Variants in GTF3C2 observed in about 807,000 individuals in gnomAD.
The protein encoded by GTF3C2 is general transcription factor IIIC subunit 2.
GTF3C2 carries 17 observed loss-of-function variants against 117.4 expected under a neutral mutation model. The observed-to-expected ratio is 0.14, with a 90% confidence interval of 0.10 to 0.22. The LOEUF (loss-of-function observed/expected upper bound fraction) is 0.22. Among genes scored for constraint, GTF3C2 ranks in the 10% least tolerant of loss-of-function variants. The probability of loss-of-function intolerance (pLI) is 1.00; values close to 1 mark genes in which losing one functional copy is unlikely to be tolerated. For synonymous variants in GTF3C2, 437 were observed against 427.0 expected (o/e 1.02, Z -0.29); for missense variants, 888 against 1,143.6 (o/e 0.78, Z 3.22).
chr2:27,335,632 G>A, exon 10 of GTF3C2: 1 of 1,556,994 alleles, frequency 6.4e-7, no homozygotes, highest in Non-Finnish European at 8.7e-7. Context: ...CCTCCGGATG[G>A]GGTAGACTGA....
rs544832548 is a variant in GTF3C2 at position 27,329,561 on chromosome 2, G to C, written c.1733-38C>G. 6.2e-7 allele frequency: 1 copy of C among 1,607,338 alleles called. No homozygotes were observed. Among genetic ancestry groups the C allele is most frequent in the East Asian group, 2.2e-5 (1 of 44,826 alleles). On this transcript the variant is annotated intron_variant, in intron 12 of 18. Coordinates refer to ENST00000264720, the Ensembl canonical transcript of GTF3C2. This position sits in a 1 kb window ranked among gnomAD's most constrained non-coding sequence, Gnocchi z 4.5. ...CAGAATGTGTGAGCATTAAAAGCAA[G>C]TTCTCTCTTCCTTGCTCTAATTTCT...
rs536572747 is a variant in GTF3C2, at chr2:27,347,070, T to C, written c.-24-3492A>G. ...TTTTCTTCAAACCCCAAAAAATTAG[T>C]TGTATAACCATGGGCCAAAGTAAAC... On this transcript the variant is annotated intron_variant, in intron 1 of 18. Transcript: ENST00000264720. 1.4e-4 allele frequency among the ~76,000 whole-genome samples: 21 copies of C among 152,244 alleles called. No homozygotes were observed. The East Asian group carries it at 1.9e-3, about 14-fold the overall frequency.
At chr2:27,343,501 C>T (rs754041981) in exon 2 of GTF3C2, 24 of 1,613,952 alleles carry the variant, frequency 1.5e-5, no homozygotes, top group Non-Finnish European at 2.0e-5. Context: ...CAGTCATGTT[C>T]CCCACGGGGC....
At chr2:27,332,801 C>T (rs529625350) in intron 12 of GTF3C2, among the ~76,000 whole-genome samples, 3 of 151,336 alleles carry the variant, frequency 2.0e-5, no homozygotes, top group African/African-American at 2.4e-5. Context: ...CTGCAACCTC[C>T]GTCTCCCAGC....
chr2:27,339,432 A>G (rs1407512503), intron 4 of GTF3C2, among the ~76,000 whole-genome samples: 2 of 151,948 alleles, frequency 1.3e-5, no homozygotes, highest in African/African-American at 2.4e-5. Context: ...AAAAAAGAAA[A>G]AAAAAATCAG....
In GTF3C2 at chr2:27,352,573, T is replaced by C. The variant is rs139463966; in HGVS notation, c.-25+4166A>G. On this transcript the variant is annotated intron_variant, in intron 1 of 18. Coordinates refer to ENST00000264720, the Ensembl canonical transcript of GTF3C2. ...AAACAGCATTTAAATATGTTTATAATTCTCATCTTCACACATAACTATCCT... is the reference window on the plus strand; with the variant it reads ...AAACAGCATTTAAATATGTTTATAACTCTCATCTTCACACATAACTATCCT... Among the ~76,000 whole-genome samples, 63 of 152,302 alleles carry C rather than the reference T, an allele frequency of 4.1e-4. 1 individual carries two copies. The East Asian group carries it at 0.011, about 27-fold the overall frequency.
exon 4 of GTF3C2, chr2:27,342,062 G>A: frequency 6.2e-7 from 1 of 1,614,110 alleles, no homozygotes; most frequent in Non-Finnish European, 8.5e-7. Context: ...GGAGAAAAAA[G>A]TCTTCATCCC....
At chr2:27,343,026 T>C in exon 3 of GTF3C2, 1 of 1,614,098 alleles carries the variant, frequency 6.2e-7, no homozygotes, top group Non-Finnish European at 8.5e-7. Flanking sequence ...CAGGAACCAG[T>C]GGGGCTGATG....
exon 19 of GTF3C2, chr2:27,326,445 G>T: frequency 1.7e-6 from 1 of 589,278 alleles, no homozygotes. Context: ...ATAGTCTTAG[G>T]CTGAGGAGCC....
exon 19 of GTF3C2, chr2:27,326,087 C>A: frequency 2.5e-6 from 1 of 400,640 alleles, no homozygotes; most frequent in Admixed American, 3.3e-5. Context: ...ACTTCGTAAG[C>A]AGGAGCAAGT....
At chr2:27,326,205 A>G (rs781230694) in exon 19 of GTF3C2, 6 of 472,112 alleles carry the variant, frequency 1.3e-5, no homozygotes, top group African/African-American at 4.0e-5. Flanking sequence ...TCGTGGGCAT[A>G]CATGATGGTT....
chr2:27,327,324 G>T, intron 17 of GTF3C2, 40 bp from the exon 18 acceptor site: 1 of 1,101,442 alleles, frequency 9.1e-7, no homozygotes, highest in Non-Finnish European at 1.4e-6. Flanking sequence ...AAAGTGAGAC[G>T]CTCGTTTGTT....
At chr2:27,345,754 C>G (rs1388859494) in intron 1 of GTF3C2, among the ~76,000 whole-genome samples, 1 of 149,134 alleles carries the variant, frequency 6.7e-6, no homozygotes, top group Non-Finnish European at 1.5e-5. Flanking sequence ...ACTATCGTTG[C>G]CCAGGCTGGA....
At chr2:27,334,052 G>A (rs1348837880) in intron 10 of GTF3C2, 53 bp from the exon 11 acceptor site, 2 of 1,359,410 alleles carry the variant, frequency 1.5e-6, no homozygotes, top group East Asian at 2.3e-5. Flanking sequence ...GACTCAGCAG[G>A]TCTTACTCTG....
At chr2:27,355,245 G>C (rs1294383921) in intron 1 of GTF3C2, among the ~76,000 whole-genome samples, 1 of 152,070 alleles carries the variant, frequency 6.6e-6, no homozygotes, top group Non-Finnish European at 1.5e-5. Flanking sequence ...TTGCCTGGCC[G>C]GGCACGGTGG....
intron 10 of GTF3C2, among the ~76,000 whole-genome samples, chr2:27,334,745 T>A (rs747504351): frequency 2.6e-5 from 4 of 151,772 alleles, no homozygotes; most frequent in African/African-American, 4.8e-5. Flanking sequence ...TGGGCATAAG[T>A]GATCCTCCCA....
intron 1 of GTF3C2, among the ~76,000 whole-genome samples, chr2:27,348,468 T>C (rs1216692062): frequency 1.3e-5 from 2 of 151,838 alleles, no homozygotes; most frequent in Non-Finnish European, 2.9e-5. Flanking sequence ...ACCGAAAACA[T>C]GTATCATAAC....
exon 16 of GTF3C2, chr2:27,328,493 A>G: frequency 6.2e-7 from 1 of 1,613,850 alleles, no homozygotes; most frequent in East Asian, 2.2e-5. Context: ...AGGTCGCTTG[A>G]CATTTATTGG....
chr2:27,353,807 G>T (rs1350149462), intron 1 of GTF3C2, among the ~76,000 whole-genome samples: 2 of 152,060 alleles, frequency 1.3e-5, no homozygotes, highest in East Asian at 3.9e-4. Flanking sequence ...ACTGCACCTT[G>T]ACCTCCTGGG....
Sources: allele counts gnomAD v4.1 joint callset (sites outside exome capture counted in the v4.1 genomes callset), GRCh38; gene constraint gnomAD v4.1.1; non-coding constraint Gnocchi (gnomAD v3.1); transcripts MANE v1.5; gene names NCBI Gene and HGNC (gene_info 2026-07-23, HGNC 2026-07-21).